KRTAP19-7: variants seen among roughly 807,000 people sequenced by gnomAD.
The protein encoded by KRTAP19-7 is keratin-associated protein 19-7.
For synonymous variants in KRTAP19-7, 38 were observed against 31.6 expected (o/e 1.20, Z -0.67); for missense variants, 76 against 78.5 (o/e 0.97, Z 0.12).
rs1979255808 is a variant in KRTAP19-7, at chr21:30,561,020, G to A, written c.*78C>T. The A allele has an allele frequency of 7.2e-7, 1 of 1,397,986 alleles. No individual in the cohort carries two copies. Among genetic ancestry groups the A allele is most frequent in the African/African-American group, 1.4e-5 (1 of 69,364 alleles). The allele number at this position is 1,397,986 out of a possible 1,614,324, so 86.6% of individuals were successfully genotyped here. A position where few individuals can be genotyped will look rare whatever the true frequency, so the allele number is the denominator to read the frequency against. ...AAGCAGCTGTTTTGTTATGGAATATGGAATTCCATATGGTTATGGAATAAA... is the reference window on the plus strand; with the variant it reads ...AAGCAGCTGTTTTGTTATGGAATATAGAATTCCATATGGTTATGGAATAAA... On this transcript the variant is annotated 3_prime_UTR_variant, in exon 1 of 1. Coordinates refer to ENST00000334849, the MANE Select transcript of KRTAP19-7 (RefSeq NM_181614.3).
At chr21:30,561,128 A>C in the KRTAP19-7 span, 1 of 1,614,146 alleles carries the variant, frequency 6.2e-7, no homozygotes, top group East Asian at 2.2e-5. Context: ...AGTATCCCCC[A>C]TAGCATGATG....
chr21:30,560,880 G>C lies in KRTAP19-7; in HGVS notation c.*218C>G. The C allele has an allele frequency of 1.8e-6, 1 of 544,372 alleles. No individual in the cohort carries two copies. Among genetic ancestry groups the C allele is most frequent in the Non-Finnish European group, 3.3e-6 (1 of 307,034 alleles). The allele number at this position is 544,372 out of a possible 1,614,324, so 33.7% of individuals were successfully genotyped here. A position where few individuals can be genotyped will look rare whatever the true frequency, so the allele number is the denominator to read the frequency against. ...ATATTGAAAGACAATCTTTCTTAGA[G>C]TATAATGGCTCTCCAGCCAATAAAA... On this transcript the variant is annotated 3_prime_UTR_variant, in exon 1 of 1. Transcript: ENST00000334849.
Position 30,561,260 on chromosome 21 carries a change from G to C in KRTAP19-7, c.30C>G (p.Gly10=), listed in dbSNP as rs771881402. The part of the protein sequence containing the change: MSYSGSYYG[G]LGYGCGGFGG... ...CGAATCCTCCACAGCCGTAGCCTAGGCCTCCATAGTAGCTGCCGGAGTAGC... is the reference window on the plus strand; with the variant it reads ...CGAATCCTCCACAGCCGTAGCCTAGCCCTCCATAGTAGCTGCCGGAGTAGC... The change falls in exon 1 of 1, where the codon GGC becomes GGG. Residue 10 remains glycine, a synonymous_variant. Transcript: ENST00000334849. 2.5e-6 allele frequency: 4 copies of C among 1,614,074 alleles called. No homozygotes were observed. In the East Asian group the frequency reaches 8.9e-5, roughly 36 times the overall value.
In KRTAP19-7 at chr21:30,561,039, G is replaced by A. The variant is rs1352859794; in HGVS notation, c.*59C>T. 2 of 1,550,470 alleles carry A rather than the reference G, an allele frequency of 1.3e-6. No individual in the cohort carries two copies. The highest frequency in any genetic ancestry group is 1.8e-6 in the Non-Finnish European group (2 of 1,126,366). ...GAATATGGAATTCCATATGGTTATG[G>A]AATAAAGTTTCTTGGAAGAATTGGG... On this transcript the variant is annotated 3_prime_UTR_variant, in exon 1 of 1. Coordinates refer to ENST00000334849, the MANE Select transcript of KRTAP19-7 (RefSeq NM_181614.3).
Position 30,561,180 on chromosome 21 carries a change from T to C in KRTAP19-7, c.110A>G (p.Tyr37Cys). The C allele has an allele frequency of 6.2e-7, 1 of 1,614,078 alleles. No homozygotes were observed. The stretch of plus-strand genomic sequence containing the variant: ...TCTGTAGCCTCCATAGCCACAGCCA[T>C]AGCCCAGTCTGCGGAAGCTGCCACA... ...CGCGSFRRLG[Y>C]GCGYGGYRYS... Residue 37 changes from tyrosine (Y) to cysteine (C), a missense_variant, in exon 1 of 1, where the codon TAT becomes TGT. Transcript: ENST00000334849.
chr21:30,561,119 G>T, the KRTAP19-7 span: 3 of 1,613,954 alleles, frequency 1.9e-6, no homozygotes, highest in Non-Finnish European at 2.5e-6. Flanking sequence ...CAGAAGACCA[G>T]TATCCCCCAT....
In KRTAP19-7 at chr21:30,560,997, G is replaced by GCAGCTGTTTTGTTGTGATCCAAA; in HGVS notation, c.*100_*101insTTTGGATCACAACAAAACAGCTG. 3 of 1,194,092 alleles carry GCAGCTGTTTTGTTGTGATCCAAA rather than the reference G, an allele frequency of 2.5e-6. No individual in the cohort carries two copies. The highest frequency in any genetic ancestry group is 3.6e-6 in the Non-Finnish European group (3 of 825,364). The allele number at this position is 1,194,092 out of a possible 1,614,324, so 74.0% of individuals were successfully genotyped here. ...TATTGTCAAAAGGCAGGTGATCCAAGCAGCTGTTTTGTTATGGAATATGGA... is the reference window on the plus strand; with the variant it reads ...TATTGTCAAAAGGCAGGTGATCCAAGCAGCTGTTTTGTTGTGATCCAAACAGCTGTTTTGTTATGGAATATGGA... On this transcript the variant is annotated 3_prime_UTR_variant, in exon 1 of 1. Transcript: ENST00000334849.
At position 30,560,900 on chromosome 21, in the gene KRTAP19-7, A is replaced by G. The variant is rs1979251776; in HGVS notation, c.*198T>C. The stretch of plus-strand genomic sequence containing the variant: ...TTAGAGTATAATGGCTCTCCAGCCA[A>G]TAAAAAAGTGAATATCTGGAGAACA... On this transcript the variant is annotated 3_prime_UTR_variant, in exon 1 of 1. Transcript: ENST00000334849. 2 of 582,330 alleles carry G rather than the reference A, an allele frequency of 3.4e-6. No individual in the cohort carries two copies. Among genetic ancestry groups the G allele is most frequent in the Non-Finnish European group, 6.0e-6 (2 of 331,542 alleles). The allele number at this position is 582,330 out of a possible 1,614,324, so 36.1% of individuals were successfully genotyped here.
chr21:30,561,007 T>G lies in KRTAP19-7; in HGVS notation c.*91A>C. On this transcript the variant is annotated 3_prime_UTR_variant, in exon 1 of 1. Coordinates refer to ENST00000334849, the MANE Select transcript of KRTAP19-7 (RefSeq NM_181614.3). Reference sequence around the variant, plus strand: ...AGGCAGGTGATCCAAGCAGCTGTTTTGTTATGGAATATGGAATTCCATATG... The same window carrying G: ...AGGCAGGTGATCCAAGCAGCTGTTTGGTTATGGAATATGGAATTCCATATG... 7.6e-7 allele frequency: 1 copy of G among 1,317,122 alleles called. No individual in the cohort carries two copies. Among genetic ancestry groups the G allele is most frequent in the South Asian group, 1.3e-5 (1 of 78,922 alleles). The allele number at this position is 1,317,122 out of a possible 1,614,324, so 81.6% of individuals were successfully genotyped here. A position where few individuals can be genotyped will look rare whatever the true frequency, so the allele number is the denominator to read the frequency against.
Position 30,560,920 on chromosome 21 carries a change from A to C in KRTAP19-7, c.*178T>G, listed in dbSNP as rs1979252487. The C allele has an allele frequency of 1.6e-6, 1 of 624,480 alleles. No individual in the cohort carries two copies. Among genetic ancestry groups the C allele is most frequent in the African/African-American group, 1.8e-5 (1 of 54,478 alleles). The allele number at this position is 624,480 out of a possible 1,614,324, so 38.7% of individuals were successfully genotyped here. A position where few individuals can be genotyped will look rare whatever the true frequency, so the allele number is the denominator to read the frequency against. On this transcript the variant is annotated 3_prime_UTR_variant, in exon 1 of 1. Transcript: ENST00000334849. ...AGCCAATAAAAAAGTGAATATCTGGAGAACATCACTAATCAAATGCCAATA... is the reference window on the plus strand; with the variant it reads ...AGCCAATAAAAAAGTGAATATCTGGCGAACATCACTAATCAAATGCCAATA...
rs377195635 is a variant in KRTAP19-7 at position 30,561,212 on chromosome 21, G to T, written c.78C>A (p.Ser26Arg). The stretch of plus-strand genomic sequence containing the variant: ...GTCTGCGGAAGCTGCCACATCCACA[G>T]CTATAGCCATAGCCCAGGCCACCGA... ...GGFGGLGYGY[S>R]CGCGSFRRLG... The change falls in exon 1 of 1, where the codon AGC becomes AGA. Residue 26 changes from serine to arginine, a missense_variant. Coordinates refer to ENST00000334849, the MANE Select transcript of KRTAP19-7 (RefSeq NM_181614.3). 6.2e-7 allele frequency: 1 copy of T among 1,614,084 alleles called. No homozygotes were observed. The highest frequency in any genetic ancestry group is 1.3e-5 in the African/African-American group (1 of 75,022).
At position 30,561,288 on chromosome 21, in the gene KRTAP19-7, ATGT is replaced by A; in HGVS notation, c.-2_1del. The stretch of plus-strand genomic sequence containing the variant: ...TCCATAGTAGCTGCCGGAGTAGCTC[ATGT>A]TGTCAGAAGTGGTTAGCTGTTGTAG... On this transcript the variant is annotated start_lost and start_retained_variant and 5_prime_UTR_variant, in exon 1 of 1. Coordinates refer to ENST00000334849, the MANE Select transcript of KRTAP19-7 (RefSeq NM_181614.3). 6.2e-7 allele frequency: 1 copy of A among 1,613,814 alleles called. No homozygotes were observed. The highest frequency in any genetic ancestry group is 8.5e-7 in the Non-Finnish European group (1 of 1,179,822).
rs774467034 is a variant in KRTAP19-7 at position 30,561,131 on chromosome 21, G to A, written c.159C>T (p.Cys53=). The part of the protein sequence containing the change: ...GYRYSCCHPS[C]YGGYWSSGFY Reference sequence around the variant, plus strand: ...ATCCAGAAGACCAGTATCCCCCATAGCATGATGGGTGGCAGCAGCTGTATC... The same window carrying A: ...ATCCAGAAGACCAGTATCCCCCATAACATGATGGGTGGCAGCAGCTGTATC... Residue 53 remains cysteine (C), a synonymous_variant, in exon 1 of 1, where the codon TGC becomes TGT. Transcript: ENST00000334849. 2 of 1,614,086 alleles carry A rather than the reference G, an allele frequency of 1.2e-6. No individual in the cohort carries two copies. The highest frequency in any genetic ancestry group is 8.5e-7 in the Non-Finnish European group (1 of 1,179,978).
In KRTAP19-7 at chr21:30,561,140, G is replaced by A. The variant is rs760231123; in HGVS notation, c.150C>T (p.His50=). 1.2e-6 allele frequency: 2 copies of A among 1,614,110 alleles called. No homozygotes were observed. The highest frequency in any genetic ancestry group is 1.1e-5 in the South Asian group (1 of 91,080). ...ACCAGTATCCCCCATAGCATGATGGGTGGCAGCAGCTGTATCTGTAGCCTC... is the reference window on the plus strand; with the variant it reads ...ACCAGTATCCCCCATAGCATGATGGATGGCAGCAGCTGTATCTGTAGCCTC... ...GYGGYRYSCC[H]PSCYGGYWSS... The change falls in exon 1 of 1, where the codon CAC becomes CAT. Residue 50 remains histidine, a synonymous_variant. Coordinates refer to ENST00000334849, the MANE Select transcript of KRTAP19-7 (RefSeq NM_181614.3).
chr21:30,561,106 A>C lies in KRTAP19-7; in HGVS notation c.184T>G (p.Phe62Val). The C allele has an allele frequency of 6.2e-7, 1 of 1,613,978 alleles. No individual in the cohort carries two copies. ...ATATTTCAAGTATTTATTCAATAGA[A>C]TCCAGAAGACCAGTATCCCCCATAG... ...SCYGGYWSSG[F>V]Y is the part of the protein sequence containing the mutation. Residue 62 changes from phenylalanine to valine, a missense_variant, in exon 1 of 1, where the codon TTC becomes GTC. By Grantham distance (50) the Phe-to-Val change is conservative. Transcript: ENST00000334849.
In KRTAP19-7 at chr21:30,561,250, C is replaced by T. The variant is rs749507009; in HGVS notation, c.40G>A (p.Gly14Ser). ...SGSYYGGLGY[G>S]CGGFGGLGYG... ...CCCAGGCCACCGAATCCTCCACAGC[C>T]GTAGCCTAGGCCTCCATAGTAGCTG... Residue 14 changes from glycine to serine, a missense_variant, in exon 1 of 1, where the codon GGC becomes AGC. Coordinates refer to ENST00000334849, the MANE Select transcript of KRTAP19-7 (RefSeq NM_181614.3). 8.5e-5 allele frequency: 137 copies of T among 1,613,980 alleles called. No homozygotes were observed. Among genetic ancestry groups the T allele is most frequent in the Non-Finnish European group, 1.1e-4 (127 of 1,179,996 alleles).
chr21:30,561,192 C>T lies in KRTAP19-7; in HGVS notation c.98G>A (p.Arg33His), dbSNP rs138759843. Residue 33 changes from arginine (R) to histidine (H), a missense_variant, in exon 1 of 1, where the codon CGC becomes CAC. Transcript: ENST00000334849. ...YGYSCGCGSFRRLGYGCGYGG... is the reference protein window; with the variant it reads ...YGYSCGCGSFHRLGYGCGYGG... ...ATAGCCACAGCCATAGCCCAGTCTG[C>T]GGAAGCTGCCACATCCACAGCTATA... 221 of 1,614,074 alleles carry T rather than the reference C, an allele frequency of 1.4e-4. No individual in the cohort carries two copies. The highest frequency in any genetic ancestry group is 5.0e-4 in the Middle Eastern group (3 of 6,060).
In KRTAP19-7 at chr21:30,561,193, G is replaced by A. The variant is rs770876257; in HGVS notation, c.97C>T (p.Arg33Cys). 45 of 1,613,926 alleles carry A rather than the reference G, an allele frequency of 2.8e-5. No homozygotes were observed. Among genetic ancestry groups the A allele is most frequent in the East Asian group, 2.7e-4 (12 of 44,872 alleles). The part of the protein sequence containing the change: ...YGYSCGCGSF[R>C]RLGYGCGYGG... ...TAGCCACAGCCATAGCCCAGTCTGC[G>A]GAAGCTGCCACATCCACAGCTATAG... Residue 33 changes from arginine to cysteine, a missense_variant, in exon 1 of 1, where the codon CGC becomes TGC. Arg to Cys is a radical substitution (Grantham distance 180). Coordinates refer to ENST00000334849, the MANE Select transcript of KRTAP19-7 (RefSeq NM_181614.3).
In KRTAP19-7 at chr21:30,561,123, C is replaced by G; in HGVS notation, c.167G>C (p.Gly56Ala). The G allele has an allele frequency of 1.2e-6, 2 of 1,614,068 alleles. No homozygotes were observed. The highest frequency in any genetic ancestry group is 1.7e-6 in the Non-Finnish European group (2 of 1,179,940). ...TCAATAGAATCCAGAAGACCAGTAT[C>G]CCCCATAGCATGATGGGTGGCAGCA... ...YSCCHPSCYG[G>A]YWSSGFY Residue 56 changes from glycine to alanine, a missense_variant, in exon 1 of 1, where the codon GGA becomes GCA. Physicochemically the swap from Gly to Ala is moderately conservative, Grantham distance 60. Transcript: ENST00000334849.
Sources: gnomAD v4.1 joint callset for allele counts on GRCh38, gnomAD v4.1.1 for gene constraint, MANE v1.5 for transcripts, NCBI Gene and HGNC (gene_info 2026-07-23, HGNC 2026-07-21) for gene names.